SNTG2: variants seen among roughly 807,000 people sequenced by gnomAD.
SNTG2 encodes gamma-2-syntrophin.
In SNTG2, 74 loss-of-function variants were observed where a neutral mutation model predicts 70.9. That is an observed-to-expected ratio of 1.04 (90% CI 0.86 to 1.27). The LOEUF is 1.27. Among genes scored for constraint, SNTG2 ranks in the 50% most tolerant of loss-of-function variants. SNTG2 has a pLI of 0.00. For synonymous variants in SNTG2, 278 were observed against 273.8 expected (o/e 1.02, Z -0.15); for missense variants, 717 against 690.7 (o/e 1.04, Z -0.43).
chr2:979,413 C>T (rs527794086), intron 1 of SNTG2, among the ~76,000 whole-genome samples: 6 of 152,180 alleles, frequency 3.9e-5, no homozygotes, highest in Non-Finnish European at 7.3e-5. Flanking sequence ...TAGGCATCCC[C>T]GGAAGGCAGG....
intron 16 of SNTG2, among the ~76,000 whole-genome samples, chr2:1,317,480 G>A (rs78680069): frequency 9.0e-6 from 1 of 110,572 alleles, no homozygotes; most frequent in Admixed American, 9.9e-5. Context: ...GGATTCTGGA[G>A]CATTTAGCAT....
In SNTG2 at chr2:1,237,863, C is replaced by T. The variant is rs774750433; in HGVS notation, c.720-25C>T. On this transcript the variant is annotated intron_variant, in intron 9 of 16. Coordinates refer to ENST00000308624, the MANE Select transcript of SNTG2 (RefSeq NM_018968.4). ...GCCCGCTCCCGTCGCTGCGGGGCCTCCTGGACAGCTCTCTCCCTCCCCAGG... is the reference window on the plus strand; with the variant it reads ...GCCCGCTCCCGTCGCTGCGGGGCCTTCTGGACAGCTCTCTCCCTCCCCAGG... The T allele has an allele frequency of 1.7e-5, 27 of 1,587,412 alleles. No individual in the cohort carries two copies. In the East Asian group the frequency reaches 3.7e-4, roughly 22 times the overall value.
In SNTG2 at chr2:1,222,057, G is replaced by GTC. The variant is rs1482343282; in HGVS notation, c.719+12831_719+12832dup. Among the ~76,000 whole-genome samples the GTC allele has an allele frequency of 4.0e-4, 13 of 32,336 alleles. 4 individuals are homozygous for GTC. The highest frequency in any genetic ancestry group is 1.7e-3 in the Admixed American group (5 of 2,958). 21.2% of individuals were successfully genotyped at this position (32,336 alleles called of 152,430 possible). On this transcript the variant is annotated intron_variant, in intron 9 of 16. Coordinates refer to ENST00000308624, the MANE Select transcript of SNTG2 (RefSeq NM_018968.4). The stretch of plus-strand genomic sequence containing the variant: ...TCTCTGTCTCTCTCTGTCTCTCTCT[G>GTC]TCTCTGTTTCTCTCTGTCTCTGTCT...
intron 4 of SNTG2, among the ~76,000 whole-genome samples, chr2:1,123,238 C>A (rs1284963090): frequency 6.6e-6 from 1 of 152,000 alleles, no homozygotes; most frequent in African/African-American, 2.4e-5. Flanking sequence ...TATGGAATCA[C>A]AAAAGACCCT....
intron 6 of SNTG2, among the ~76,000 whole-genome samples, chr2:1,152,582 GTGTGTGCACATGTGCATGTGTGTA>G (rs753329249): frequency 0.086 from 12,964 of 151,064 alleles, 935 homozygotes; most frequent in African/African-American, 0.2. Flanking sequence ...GTGCATGTGT[GTGTGTGCACATGTGCATGTGTGTA>G]TGTGTGCACA....
rs923179594 is a variant in SNTG2 at position 1,162,000 on chromosome 2, G to A, written c.412-3548G>A. On this transcript the variant is annotated intron_variant, in intron 6 of 16. Coordinates refer to ENST00000308624, the MANE Select transcript of SNTG2 (RefSeq NM_018968.4). ...GAGGCAGGAGAATTGTGTGAACCCG[G>A]GAGGCGGAGCTTGCAGTGGGCCCAG... is the stretch of plus-strand genomic sequence containing the variant. 2.7e-5 allele frequency among the ~76,000 whole-genome samples: 4 copies of A among 149,402 alleles called. No homozygotes were observed. The Admixed American group carries it at 2.7e-4, about 10-fold the overall frequency.
intron 8 of SNTG2, among the ~76,000 whole-genome samples, chr2:1,189,498 A>T (rs541283446): frequency 9.2e-5 from 14 of 152,184 alleles, no homozygotes; most frequent in Admixed American, 9.2e-4. Context: ...TGCAATTAAG[A>T]CAGCATTCAG....
chr2:1,161,445 A>T (rs949870841), intron 6 of SNTG2: 1 of 152,244 alleles, frequency 6.6e-6, no homozygotes, highest in East Asian at 1.9e-4. Flanking sequence ...ATTTGCTGCA[A>T]AAAGCAGTGA....
intron 6 of SNTG2, chr2:1,159,532 G>A (rs987341715): frequency 5.3e-5 from 8 of 152,198 alleles, no homozygotes; most frequent in African/African-American, 7.2e-5. Context: ...CAATAGTAAC[G>A]TGAAAAATAT....
At chr2:1,277,253 G>A (rs1050422025) in intron 14 of SNTG2, among the ~76,000 whole-genome samples, 1 of 152,174 alleles carries the variant, frequency 6.6e-6, no homozygotes, top group African/African-American at 2.4e-5. Flanking sequence ...TACAGAGAAA[G>A]TTTTCATGAA....
At chr2:1,254,254 C>CT (rs1215030520) in intron 12 of SNTG2, among the ~76,000 whole-genome samples, 2 of 152,320 alleles carry the variant, frequency 1.3e-5, no homozygotes, top group East Asian at 1.9e-4. Context: ...TCCCTAATCT[C>CT]TGTCTTTCCC....
intron 15 of SNTG2, among the ~76,000 whole-genome samples, chr2:1,311,498 A>G (rs1203258189): frequency 6.6e-6 from 1 of 152,232 alleles, no homozygotes; most frequent in African/African-American, 2.4e-5. Context: ...TGGGTTGTAA[A>G]TTCATAAAAT....
chr2:1,329,085 T>G (rs185868927), intron 16 of SNTG2, among the ~76,000 whole-genome samples: 5 of 151,214 alleles, frequency 3.3e-5, no homozygotes, highest in African/African-American at 1.2e-4. Flanking sequence ...ACATTCCTGG[T>G]TTTTTTTTCT....
intron 16 of SNTG2, among the ~76,000 whole-genome samples, chr2:1,333,570 A>G (rs1276039219): frequency 6.6e-6 from 1 of 152,228 alleles, no homozygotes; most frequent in East Asian, 1.9e-4. Flanking sequence ...CCAAAACAGC[A>G]TGGTACTAGT....
At chr2:1,144,760 T>C (rs1464121748) in intron 6 of SNTG2, among the ~76,000 whole-genome samples, 1 of 152,198 alleles carries the variant, frequency 6.6e-6, no homozygotes, top group East Asian at 1.9e-4. Flanking sequence ...ACTGCCACCA[T>C]GATTCAATTA....
intron 9 of SNTG2, among the ~76,000 whole-genome samples, chr2:1,235,034 G>T (rs529469638): frequency 1.3e-5 from 2 of 152,212 alleles, no homozygotes; most frequent in African/African-American, 4.8e-5. Flanking sequence ...GGAGCCAAGC[G>T]GTGACCATGC....
chr2:1,339,847 G>A (rs1473070222), intron 16 of SNTG2, among the ~76,000 whole-genome samples: 1 of 152,172 alleles, frequency 6.6e-6, no homozygotes. Context: ...TGGGGGAAAG[G>A]GCAGCACCCC....
At position 965,559 on chromosome 2, in the gene SNTG2, T is replaced by TCTCCC. The variant is rs1553302384; in HGVS notation, c.72+14493_72+14494insCCCCT. Among the ~76,000 whole-genome samples, 163 of 151,192 alleles carry TCTCCC rather than the reference T, an allele frequency of 1.1e-3. 1 individual carries two copies. The East Asian group carries it at 0.023, about 22-fold the overall frequency. On this transcript the variant is annotated intron_variant, in intron 1 of 16. Transcript: ENST00000308624. ...GTCCTCCTCCTTGACCCCCTGGTCC[T>TCTCCC]CTTCTGTGGTCCCCTCCTCCTCTGT...
chr2:1,249,116 C>T (rs1244451006), intron 12 of SNTG2, among the ~76,000 whole-genome samples: 3 of 152,184 alleles, frequency 2.0e-5, no homozygotes, highest in Admixed American at 2.0e-4. Flanking sequence ...TTGTAGTGCA[C>T]TTCTGTCCAT....
Sources: gnomAD v4.1 joint callset for allele counts (sites outside exome capture counted in the v4.1 genomes callset) on GRCh38, gnomAD v4.1.1 for gene constraint, MANE v1.5 for transcripts, NCBI Gene and HGNC (gene_info 2026-07-23, HGNC 2026-07-21) for gene names.